RIMBP2: variants seen among roughly 807,000 people sequenced by gnomAD.
RIMBP2 encodes RIMS-binding protein 2.
RIMBP2 carries 48 observed loss-of-function variants against 118.6 expected under a neutral mutation model. The ratio of observed to expected loss-of-function variants is 0.40; its 90% CI spans 0.32 to 0.51. The LOEUF is 0.51. RIMBP2 is among the 20% of genes least tolerant of loss of function. The pLI, the probability that RIMBP2 is intolerant of heterozygous loss-of-function variation, is 0.41. For synonymous variants in RIMBP2, 762 were observed against 742.9 expected (o/e 1.03, Z -0.42); for missense variants, 1,551 against 1,768.3 (o/e 0.88, Z 2.20).
intron 3 of RIMBP2, among the ~76,000 whole-genome samples, chr12:130,509,981 A>G (rs1459740313): frequency 2.0e-5 from 3 of 152,240 alleles, no homozygotes; most frequent in Non-Finnish European, 4.4e-5. Context: ...TTCAGGCTCC[A>G]TGTGCAGAAC....
At chr12:130,675,127 C>A (rs7298420) in intron 1 of RIMBP2, among the ~76,000 whole-genome samples, 143,621 of 152,266 alleles carry the variant, frequency 0.94, 67,766 homozygotes, top group Middle Eastern at 0.98. Context: ...ACTAGGACCC[C>A]AGTTGTCCCG....
At chr12:130,643,061 A>G (rs1487965929) in intron 1 of RIMBP2, among the ~76,000 whole-genome samples, 1 of 152,218 alleles carries the variant, frequency 6.6e-6, no homozygotes, top group African/African-American at 2.4e-5. Flanking sequence ...ATGGTTCTCC[A>G]ACAGCTGCCT....
chr12:130,702,541 C>A (rs141155541), intron 1 of RIMBP2, among the ~76,000 whole-genome samples: 2 of 87,714 alleles, frequency 2.3e-5, no homozygotes, highest in Non-Finnish European at 2.4e-5. Context: ...AAATAAAAAA[C>A]AAGAAAGAAG....
At chr12:130,477,682 C>T (rs993878725) in intron 5 of RIMBP2, among the ~76,000 whole-genome samples, 1 of 152,250 alleles carries the variant, frequency 6.6e-6, no homozygotes, top group African/African-American at 2.4e-5. Context: ...CTACCTGTTT[C>T]CACAAGCTCT....
chr12:130,499,666 GCTCC>G (rs1362179712), intron 4 of RIMBP2, among the ~76,000 whole-genome samples: 6 of 152,126 alleles, frequency 3.9e-5, no homozygotes, highest in Non-Finnish European at 5.9e-5. Flanking sequence ...CCTCTGCACA[GCTCC>G]CTCCCTGGCT....
intron 1 of RIMBP2, among the ~76,000 whole-genome samples, chr12:130,674,894 C>G (rs964118201): frequency 6.6e-6 from 1 of 152,176 alleles, no homozygotes; most frequent in Admixed American, 6.5e-5. Context: ...CTCTTCCACA[C>G]AGCGTGTCCG....
chr12:130,399,426 G>C (rs1022015716), intron 22 of RIMBP2, among the ~76,000 whole-genome samples: 6 of 152,066 alleles, frequency 3.9e-5, no homozygotes, highest in African/African-American at 1.4e-4. Context: ...CTATAATGTA[G>C]GATGGGACAT....
chr12:130,435,731 G>A (rs1305592675), intron 13 of RIMBP2, among the ~76,000 whole-genome samples: 2 of 152,246 alleles, frequency 1.3e-5, no homozygotes, highest in Admixed American at 6.5e-5. Flanking sequence ...AGTGGCCAAT[G>A]TCGAACGAAT....
At chr12:130,608,184 G>A (rs988468324) in intron 2 of RIMBP2, among the ~76,000 whole-genome samples, 4 of 152,194 alleles carry the variant, frequency 2.6e-5, no homozygotes, top group African/African-American at 9.7e-5. Flanking sequence ...GCTAGAAAAC[G>A]CTTTGGTTTC....
intron 2 of RIMBP2, among the ~76,000 whole-genome samples, chr12:130,596,129 C>A (rs1210861826): frequency 2.6e-5 from 4 of 152,140 alleles, no homozygotes. Flanking sequence ...AATCCACTCA[C>A]CCCGAATGTG....
intron 1 of RIMBP2, among the ~76,000 whole-genome samples, chr12:130,692,844 GAT>G: frequency 7.2e-6 from 1 of 139,380 alleles, no homozygotes; most frequent in Non-Finnish European, 1.6e-5. Flanking sequence ...GATGGGATGG[GAT>G]GGGATAGGGT....
At position 130,490,414 on chromosome 12, in the gene RIMBP2, C is replaced by T. The variant is rs76698810; in HGVS notation, c.-3-11398G>A. On this transcript the variant is annotated intron_variant, in intron 4 of 22. Coordinates refer to ENST00000690449, the MANE Select transcript of RIMBP2 (RefSeq NM_001393629.1). ...ATCCCTTAGTTTGCTTGAAATTTTC[C>T]TATTAAAAAATAAATGGTTTTGATG... Among the ~76,000 whole-genome samples, 1,398 of 152,228 alleles carry T rather than the reference C, an allele frequency of 9.2e-3. 22 individuals carry two copies. Among genetic ancestry groups the T allele is most frequent in the African/African-American group, 0.032 (1,337 of 41,538 alleles).
intron 1 of RIMBP2, among the ~76,000 whole-genome samples, chr12:130,705,867 A>G (rs1428186912): frequency 6.6e-6 from 1 of 152,244 alleles, no homozygotes; most frequent in African/African-American, 2.4e-5. Context: ...GCAAGGTCAC[A>G]AAAATGCTGA....
Position 130,495,230 on chromosome 12 carries a change from AG to A in RIMBP2, c.-4+11417del, listed in dbSNP as rs539706950. ...GCCCTCTACATGCCCTGAAATGATG[AG>A]GGGGGCTGCTTCACTTGCTCCCCAT... On this transcript the variant is annotated intron_variant, in intron 4 of 22. Transcript: ENST00000690449. 4.7e-3 allele frequency among the ~76,000 whole-genome samples: 712 copies of A among 152,314 alleles called. 8 individuals are homozygous for A. The highest frequency in any genetic ancestry group is 0.017 in the African/African-American group (690 of 41,574).
At chr12:130,644,352 G>A (rs1039004716) in intron 1 of RIMBP2, among the ~76,000 whole-genome samples, 10 of 152,212 alleles carry the variant, frequency 6.6e-5, no homozygotes. Flanking sequence ...CATTAGGGCA[G>A]ACACGTGTCA....
chr12:130,571,709 G>A (rs958308900), intron 2 of RIMBP2, among the ~76,000 whole-genome samples: 10 of 152,154 alleles, frequency 6.6e-5, no homozygotes, highest in African/African-American at 1.9e-4. Context: ...CTCCTGTGCC[G>A]TCCCACCCCA....
At chr12:130,530,638 A>G (rs901347287) in intron 2 of RIMBP2, among the ~76,000 whole-genome samples, 6 of 152,206 alleles carry the variant, frequency 3.9e-5, no homozygotes, top group African/African-American at 1.4e-4. Context: ...CTTTATTAAC[A>G]TGAAGGATGT....
intron 1 of RIMBP2, among the ~76,000 whole-genome samples, chr12:130,637,221 C>T (rs2062391235): frequency 6.6e-6 from 1 of 152,170 alleles, no homozygotes; most frequent in African/African-American, 2.4e-5. Context: ...AGGCTAAAGC[C>T]CCACCGCATC....
At chr12:130,439,841 A>ATGTGTATGTGTATCTG (rs1180293142) in intron 11 of RIMBP2, among the ~76,000 whole-genome samples, 1,448 of 62,962 alleles carry the variant, frequency 0.023, 105 homozygotes, top group African/African-American at 0.093. Flanking sequence ...GTGTATGTGT[A>ATGTGTATGTGTATCTG]TCTGTGAGTC....
Sources: gnomAD v4.1 joint callset for allele counts (sites outside exome capture counted in the v4.1 genomes callset) on GRCh38, gnomAD v4.1.1 for gene constraint, MANE v1.5 for transcripts, NCBI Gene and HGNC (gene_info 2026-07-23, HGNC 2026-07-21) for gene names.